ZC3H4: variants seen among roughly 807,000 people sequenced by gnomAD.
ZC3H4 encodes the protein zinc finger CCCH domain-containing protein 4.
A neutral mutation model predicts 108.3 loss-of-function variants in ZC3H4; 13 were observed. That is an observed-to-expected ratio of 0.12 (90% CI 0.08 to 0.19). The LOEUF is 0.19. Ranked by LOEUF, ZC3H4 falls within the 10% of genes least tolerant of loss-of-function variation. The pLI, the probability that ZC3H4 is intolerant of heterozygous loss-of-function variation, is 1.00. For synonymous variants in ZC3H4, 917 were observed against 749.6 expected (o/e 1.22, Z -3.65); for missense variants, 1,734 against 1,838.8 (o/e 0.94, Z 1.04).
intron 14 of ZC3H4, among the ~76,000 whole-genome samples, chr19:47,068,795 T>A (rs2057268803): frequency 6.6e-6 from 1 of 152,212 alleles, no homozygotes. Flanking sequence ...TAAAGCCTCC[T>A]CTGGCAGGGC....
chr19:47,104,824 G>A (rs1600109615), intron 2 of ZC3H4, among the ~76,000 whole-genome samples: 1 of 152,310 alleles, frequency 6.6e-6, no homozygotes, highest in African/African-American at 2.4e-5. Flanking sequence ...AAATGAGGAG[G>A]GCAATAATCC....
chr19:47,084,297 C>T (rs1600049834), intron 9 of ZC3H4, 48 bp downstream of exon 9: 4 of 1,578,698 alleles, frequency 2.5e-6, no homozygotes, highest in Non-Finnish European at 3.5e-6. Flanking sequence ...CATGTGTCCT[C>T]TGGGGGCTAT....
chr19:47,094,497 G>A lies in ZC3H4; in HGVS notation c.273C>T (p.His91=). 6.2e-7 allele frequency: 1 copy of A among 1,614,198 alleles called. No individual in the cohort carries two copies. Among genetic ancestry groups the A allele is most frequent in the Non-Finnish European group, 8.5e-7 (1 of 1,180,032 alleles). ...RSRKEKGEKH[H]SDSDEEKSHR... is the part of the protein sequence containing the mutation. ...GGGACTTCTCCTCATCCGAATCACT[G>A]TGATGCTTCTCCCCCTTTTCTTTCC... is the stretch of plus-strand genomic sequence containing the variant. Residue 91 remains histidine (H), a synonymous_variant, in exon 3 of 15, where the codon CAC becomes CAT. Coordinates refer to ENST00000253048, the MANE Select transcript of ZC3H4 (RefSeq NM_015168.2).
At chr19:47,068,972 G>C in intron 14 of ZC3H4, 120 bp downstream of exon 14, 2 of 1,544,698 alleles carry the variant, frequency 1.3e-6, no homozygotes, top group Non-Finnish European at 1.7e-6. Flanking sequence ...CCTGGACAGG[G>C]GTCCTCCCTA....
intron 11 of ZC3H4, among the ~76,000 whole-genome samples, chr19:47,080,485 G>T (rs2057501069): frequency 1.3e-5 from 2 of 152,086 alleles, no homozygotes; most frequent in South Asian, 4.1e-4. Context: ...TCGTCTTTGT[G>T]TATCTTTGGT....
In ZC3H4 at chr19:47,072,478, A is replaced by G. The variant is rs1251735047; in HGVS notation, c.1676T>C (p.Met559Thr). The G allele has an allele frequency of 3.9e-6, 5 of 1,289,390 alleles. No homozygotes were observed. The highest frequency in any genetic ancestry group is 1.9e-5 in the African/African-American group (1 of 53,244). 79.9% of individuals were successfully genotyped at this position (1,289,390 alleles called of 1,614,324 possible). The change falls in exon 12 of 15, where the codon ATG becomes ACG. Residue 559 changes from methionine to threonine, a missense_variant. Met to Thr is a moderately conservative substitution (Grantham distance 81). Coordinates refer to ENST00000253048, the MANE Select transcript of ZC3H4 (RefSeq NM_015168.2). This position sits in a 1 kb window ranked among gnomAD's most constrained non-coding sequence, Gnocchi z 5.6. ...PPPPGPPQMP[M>T]PVHEPLSPQQ... is the part of the protein sequence containing the mutation. ...CGGGGACAGTGGCTCATGCACCGGC[A>G]TGGGCATCTGAGGGGGCCCGGGCGG...
intron 2 of ZC3H4, among the ~76,000 whole-genome samples, chr19:47,099,200 C>G (rs987222770): frequency 3.3e-5 from 5 of 152,026 alleles, no homozygotes; most frequent in Admixed American, 3.3e-4. Flanking sequence ...TGGCTCACGT[C>G]TGTAATCCCA....
chr19:47,098,538 C>T (rs1258923094), intron 2 of ZC3H4, among the ~76,000 whole-genome samples: 1 of 150,102 alleles, frequency 6.7e-6, no homozygotes, highest in African/African-American at 2.4e-5. Flanking sequence ...CCAAGGCAGG[C>T]AGATCACCTG....
At chr19:47,101,187 A>AG in intron 2 of ZC3H4, among the ~76,000 whole-genome samples, 1 of 151,962 alleles carries the variant, frequency 6.6e-6, no homozygotes, top group African/African-American at 2.4e-5. Context: ...AATAAATACA[A>AG]AACTTAGCCT....
chr19:47,071,715 C>A (rs1354601936), intron 13 of ZC3H4, 63 bp downstream of exon 13: 2 of 1,504,568 alleles, frequency 1.3e-6, no homozygotes, highest in Non-Finnish European at 1.8e-6. Context: ...TCACATCTCC[C>A]CAACTCTGCT....
intron 2 of ZC3H4, among the ~76,000 whole-genome samples, chr19:47,095,444 G>C (rs766204204): frequency 6.6e-6 from 1 of 152,156 alleles, no homozygotes; most frequent in Non-Finnish European, 1.5e-5. Flanking sequence ...GGCCCCTCCT[G>C]AGGGCCTCAC....
chr19:47,080,662 AT>A (rs67141668), intron 11 of ZC3H4, among the ~76,000 whole-genome samples: 74,495 of 141,808 alleles, frequency 0.53, 21,696 homozygotes, highest in Non-Finnish European at 0.7. Context: ...TACCTGGCTA[AT>A]TTTTTTTTTT....
At chr19:47,097,873 G>A (rs2057847621) in intron 2 of ZC3H4, among the ~76,000 whole-genome samples, 1 of 152,210 alleles carries the variant, frequency 6.6e-6, no homozygotes, top group Non-Finnish European at 1.5e-5. Context: ...TATTCCCAGA[G>A]CCTGGATTGG....
intron 2 of ZC3H4, 144 bp from the exon 3 acceptor site, chr19:47,094,752 C>A (rs568891093): frequency 1.6e-4 from 126 of 767,830 alleles, no homozygotes; most frequent in Non-Finnish European, 2.6e-4. Flanking sequence ...GGGCCATGGC[C>A]TCTTGTTCCA....
In ZC3H4 at chr19:47,112,594, G is replaced by T. The variant is rs965373406; in HGVS notation, c.-5-5C>A. ...CGGGCGCGGCCTCCATAGTTCCTTT[G>T]GGGGGGAGGGGATGTTAATGCACGA... On this transcript the variant is annotated splice_region_variant and splice_polypyrimidine_tract_variant and intron_variant, in intron 1 of 14. Transcript: ENST00000253048. The T allele has an allele frequency of 1.2e-5, 15 of 1,201,548 alleles. No individual in the cohort carries two copies. The highest frequency in any genetic ancestry group is 6.3e-5 in the African/African-American group (4 of 63,856). 74.4% of individuals were successfully genotyped at this position (1,201,548 alleles called of 1,614,324 possible).
chr19:47,085,987 C>T (rs1213032699), intron 6 of ZC3H4, among the ~76,000 whole-genome samples: 1 of 152,140 alleles, frequency 6.6e-6, no homozygotes, highest in African/African-American at 2.4e-5. Flanking sequence ...CCTCAGACTC[C>T]TGCATGAATA....
chr19:47,097,930 G>T (rs1430289268), intron 2 of ZC3H4, among the ~76,000 whole-genome samples: 1 of 152,178 alleles, frequency 6.6e-6, no homozygotes, highest in Non-Finnish European at 1.5e-5. Context: ...GAGCCCTCGG[G>T]AACAAGAAAG....
At chr19:47,103,126 C>T (rs995132315) in intron 2 of ZC3H4, among the ~76,000 whole-genome samples, 21 of 152,304 alleles carry the variant, frequency 1.4e-4, no homozygotes, top group African/African-American at 4.6e-4. Flanking sequence ...AGATGAACCT[C>T]TGGAATTTGC....
Position 47,090,192 on chromosome 19 carries a change from G to A in ZC3H4, c.493-3C>T, listed in dbSNP as rs191574289. On this transcript the variant is annotated splice_polypyrimidine_tract_variant and splice_region_variant and intron_variant, in intron 4 of 14. Coordinates refer to ENST00000253048, the MANE Select transcript of ZC3H4 (RefSeq NM_015168.2). ...GATGGGGGGTACTGCTGGTGGGACTGCGTCCCAGAGATGGGGAAAAGAGGT... is the reference window on the plus strand; with the variant it reads ...GATGGGGGGTACTGCTGGTGGGACTACGTCCCAGAGATGGGGAAAAGAGGT... 1.2e-3 allele frequency: 1,886 copies of A among 1,614,056 alleles called. 36 individuals are homozygous for A. The East Asian group carries it at 0.033, about 28-fold the overall frequency.
Sources: allele counts gnomAD v4.1 joint callset (sites outside exome capture counted in the v4.1 genomes callset), GRCh38; gene constraint gnomAD v4.1.1; non-coding constraint Gnocchi (gnomAD v3.1); transcripts MANE v1.5; gene names NCBI Gene and HGNC (gene_info 2026-07-23, HGNC 2026-07-21).